Variants in RAG1 observed in about 807,000 individuals in gnomAD.
RAG1 encodes recombination activating 1, also known as V(D)J recombination-activating protein 1.
In RAG1, 35 loss-of-function variants were observed where a neutral mutation model predicts 62.7. That is an observed-to-expected ratio of 0.56 (90% CI 0.43 to 0.74). RAG1 has a LOEUF of 0.74. Among genes scored for constraint, RAG1 ranks in the 30% least tolerant of loss-of-function variants. RAG1 has a pLI of 0.00. For missense variants in RAG1, 1,169 were observed against 1,278.6 expected, an observed-to-expected ratio of 0.91 and a Z score of 1.31; for synonymous variants, 461 against 470.3, an observed-to-expected ratio of 0.98 and a Z score of 0.26.
chr11:36,513,372 C>T (rs761945709), intron 1 of RAG1, among the ~76,000 whole-genome samples: 2 of 152,170 alleles, frequency 1.3e-5, no homozygotes, highest in Non-Finnish European at 2.9e-5. Flanking sequence ...TAGTTTTACA[C>T]AGCTGAAGGT....
chr11:36,569,589 A>C (rs549508185), intron 1 of RAG1, among the ~76,000 whole-genome samples: 1 of 152,342 alleles, frequency 6.6e-6, no homozygotes, highest in South Asian at 2.1e-4. Flanking sequence ...TTCTGGGGGA[A>C]ATTTAGAAGA....
At chr11:36,570,622 A>AT (rs1850726093) in intron 1 of RAG1, among the ~76,000 whole-genome samples, 1 of 152,156 alleles carries the variant, frequency 6.6e-6, no homozygotes, top group Non-Finnish European at 1.5e-5. Context: ...GGCTGTACTA[A>AT]TTTACATTCC....
chr11:36,577,566 A>G lies in RAG1; in HGVS notation c.*1130A>G, dbSNP rs554469239. The G allele has an allele frequency of 7.6e-4, 127 of 167,198 alleles. No individual in the cohort carries two copies. Among genetic ancestry groups the G allele is most frequent in the South Asian group, 2.5e-3 (12 of 4,832 alleles). The allele number at this position is 167,198 out of a possible 1,614,324, so 10.4% of individuals were successfully genotyped here. On this transcript the variant is annotated 3_prime_UTR_variant, in exon 2 of 2. Transcript: ENST00000299440. ...AGTTTAGATGGAGTCCAAACGCAGT[A>G]CAGCAGAAGAGTTAACATTTACACA...
chr11:36,512,015 GT>G lies in RAG1; in HGVS notation n.330+980del, dbSNP rs1351961431. 2.0e-5 allele frequency among the ~76,000 whole-genome samples: 3 copies of G among 152,184 alleles called. No homozygotes were observed. The East Asian group carries it at 5.8e-4, about 29-fold the overall frequency. ...CAAAAAGATTAGGTGTTCTGTGTATGTTTCTTTACATTGTTTTCATAAGTGC... is the reference window on the plus strand; with the variant it reads ...CAAAAAGATTAGGTGTTCTGTGTATGTTCTTTACATTGTTTTCATAAGTGC... On this transcript the variant is annotated intron_variant and non_coding_transcript_variant, in intron 1 of 2. Transcript: ENST00000529126.
At chr11:36,550,479 A>G (rs1057369626) in intron 3 of RAG1, among the ~76,000 whole-genome samples, 1 of 152,110 alleles carries the variant, frequency 6.6e-6, no homozygotes, top group Non-Finnish European at 1.5e-5. Flanking sequence ...TTAGAAAGGC[A>G]TAGCTTCTAA....
chr11:36,557,943 A>G (rs997196292), intron 3 of RAG1, among the ~76,000 whole-genome samples: 38 of 152,252 alleles, frequency 2.5e-4, no homozygotes, highest in African/African-American at 8.9e-4. Context: ...ACTTAATTCC[A>G]ATATTTTTAG....
chr11:36,573,582 A>T lies in RAG1; in HGVS notation c.278A>T (p.Asp93Val). ...AHPKFSKKFHDNEKARGKAIH... is the reference protein window; with the variant it reads ...AHPKFSKKFHVNEKARGKAIH... ...CCTAAGTTTTCAAAGAAATTTCACG[A>T]CAACGAGAAAGCAAGAGGCAAAGCG... The change falls in exon 2 of 2, where the codon GAC (aspartate) becomes GTC (valine). Residue 93 changes from aspartate to valine, a missense_variant. By Grantham distance (152) the Asp-to-Val change is radical. Transcript: ENST00000299440. 1 of 1,614,220 alleles carries T rather than the reference A, an allele frequency of 6.2e-7. No homozygotes were observed. The highest frequency in any genetic ancestry group is 1.7e-5 in the Admixed American group (1 of 60,030).
At chr11:36,559,626 G>A (rs1245907569) in intron 3 of RAG1, among the ~76,000 whole-genome samples, 1 of 151,968 alleles carries the variant, frequency 6.6e-6, no homozygotes, top group African/African-American at 2.4e-5. Flanking sequence ...AAGTTCAGAA[G>A]TTCTTTCTTT....
chr11:36,573,607 GATCCATCA>G lies in RAG1; in HGVS notation c.305_312del (p.Ile102SerfsTer15), dbSNP rs760448302. The G allele has an allele frequency of 6.2e-7, 1 of 1,614,136 alleles. No individual in the cohort carries two copies. Among genetic ancestry groups the G allele is most frequent in the Non-Finnish European group, 8.5e-7 (1 of 1,180,030 alleles). On this transcript the variant is annotated frameshift_variant, in exon 2 of 2. Coordinates refer to ENST00000299440, the MANE Select transcript of RAG1 (RefSeq NM_000448.3). LOFTEE classifies it high-confidence loss of function. The stretch of plus-strand genomic sequence containing the variant: ...ACAACGAGAAAGCAAGAGGCAAAGC[GATCCATCA>G]AGCCAACCTTCGACATCTCTGCCGC...
upstream of RAG1, among the ~76,000 whole-genome samples, chr11:36,564,049 T>C (rs1322313664): frequency 2.0e-5 from 3 of 152,202 alleles, no homozygotes; most frequent in African/African-American, 7.2e-5. Context: ...TTTGTAAGGT[T>C]TGGAAATGGA....
At chr11:36,572,417 A>T (rs1515061) in intron 1 of RAG1, among the ~76,000 whole-genome samples, 368 of 152,330 alleles carry the variant, frequency 2.4e-3, no homozygotes, top group African/African-American at 8.4e-3. Context: ...ACCAGAAGAG[A>T]AACATTACTC....
intron 2 of RAG1, among the ~76,000 whole-genome samples, chr11:36,526,983 G>C (rs1860173125): frequency 1.3e-5 from 2 of 152,042 alleles, no homozygotes; most frequent in South Asian, 4.1e-4. Context: ...CTGGATATTA[G>C]CCCTTTGTCA....
At chr11:36,528,964 T>C (rs898582085) in intron 2 of RAG1, among the ~76,000 whole-genome samples, 1 of 152,146 alleles carries the variant, frequency 6.6e-6, no homozygotes, top group Non-Finnish European at 1.5e-5. Context: ...AATCTCTGTA[T>C]AGACCAATAA....
At chr11:36,528,548 T>C (rs1006471890) in intron 2 of RAG1, among the ~76,000 whole-genome samples, 4 of 151,978 alleles carry the variant, frequency 2.6e-5, no homozygotes, top group Admixed American at 2.6e-4. Context: ...GCAGGAATGA[T>C]CTAAAATCAA....
intron 2 of RAG1, among the ~76,000 whole-genome samples, chr11:36,529,723 A>G (rs1016893770): frequency 2.0e-5 from 3 of 152,140 alleles, no homozygotes; most frequent in African/African-American, 7.2e-5. Context: ...TGCACATGAC[A>G]TGATTGTATA....
chr11:36,564,052 G>A (rs1363253746), upstream of RAG1, among the ~76,000 whole-genome samples: 1 of 152,186 alleles, frequency 6.6e-6, no homozygotes, highest in Non-Finnish European at 1.5e-5. Context: ...GTAAGGTTTG[G>A]AAATGGAACA....
chr11:36,528,463 G>C (rs1056973504), intron 2 of RAG1, among the ~76,000 whole-genome samples: 1 of 152,080 alleles, frequency 6.6e-6, no homozygotes, highest in East Asian at 1.9e-4. Flanking sequence ...AAGACACAAC[G>C]TACCAGAATC....
Position 36,577,262 on chromosome 11 carries a change from A to T in RAG1, c.*826A>T, listed in dbSNP as rs1590705231. The T allele has an allele frequency of 6.0e-6, 1 of 167,148 alleles. No individual in the cohort carries two copies. The highest frequency in any genetic ancestry group is 6.5e-5 in the Admixed American group (1 of 15,306). 10.4% of individuals were successfully genotyped at this position (167,148 alleles called of 1,614,324 possible). On this transcript the variant is annotated 3_prime_UTR_variant, in exon 2 of 2. Coordinates refer to ENST00000299440, the MANE Select transcript of RAG1 (RefSeq NM_000448.3). ...TCTTTATTTTTACTTTTTCATTTCA[A>T]GAAATTTAGAGTTTCCAAATTTAGA...
intron 1 of RAG1, among the ~76,000 whole-genome samples, chr11:36,514,351 G>A (rs1859966526): frequency 6.6e-6 from 1 of 152,196 alleles, no homozygotes; most frequent in Admixed American, 6.5e-5. Context: ...AATGTGTTAG[G>A]CACTGTTCTT....
Sources: gnomAD v4.1 joint callset for allele counts (sites outside exome capture counted in the v4.1 genomes callset) on GRCh38, gnomAD v4.1.1 for gene constraint, MANE v1.5 for transcripts, NCBI Gene and HGNC (gene_info 2026-07-23, HGNC 2026-07-21) for gene names.